Variants in SUPT3H observed in about 807,000 individuals in gnomAD.
SUPT3H encodes transcription initiation protein SPT3 homolog.
Under a neutral mutation model 44.3 loss-of-function variants are expected in SUPT3H, and 44 were observed. The observed-to-expected ratio is 0.99, with a 90% confidence interval of 0.78 to 1.28. The LOEUF is 1.28. SUPT3H is among the 50% of genes most tolerant of loss of function. SUPT3H has a pLI of 0.00. For synonymous variants in SUPT3H, 124 were observed against 125.6 expected, an observed-to-expected ratio of 0.99 and a Z score of 0.09; for missense variants, 380 against 387.1, an observed-to-expected ratio of 0.98 and a Z score of 0.15.
chr6:45,165,791 TA>T (rs1809745149), intron 2 of SUPT3H, among the ~76,000 whole-genome samples: 1 of 151,500 alleles, frequency 6.6e-6, no homozygotes, highest in Non-Finnish European at 1.5e-5. Context: ...AAAAGTGATC[TA>T]AACCGATAAA....
chr6:44,835,288 T>C (rs966588941), intron 10 of SUPT3H, among the ~76,000 whole-genome samples: 2 of 152,054 alleles, frequency 1.3e-5, no homozygotes, highest in South Asian at 2.1e-4. Flanking sequence ...TAAAAAAGAT[T>C]TGGAGCATAC....
At chr6:45,218,128 G>A (rs1419007985) in intron 2 of SUPT3H, among the ~76,000 whole-genome samples, 1 of 152,070 alleles carries the variant, frequency 6.6e-6, no homozygotes, top group African/African-American at 2.4e-5. Context: ...ATAAAAACAC[G>A]TGAAGGTAAT....
intron 3 of SUPT3H, among the ~76,000 whole-genome samples, chr6:45,033,316 G>C (rs1047768636): frequency 6.6e-6 from 1 of 151,802 alleles, no homozygotes; most frequent in Non-Finnish European, 1.5e-5. Flanking sequence ...AGCAAGCATG[G>C]AGATTTAAAA....
At chr6:45,348,767 A>T (rs755004477) in intron 2 of SUPT3H, among the ~76,000 whole-genome samples, 1 of 152,008 alleles carries the variant, frequency 6.6e-6, no homozygotes, top group Non-Finnish European at 1.5e-5. Context: ...CACATTACCT[A>T]TTTAGTGATG....
intron 11 of SUPT3H, among the ~76,000 whole-genome samples, chr6:44,812,519 C>A (rs1561829299): frequency 6.6e-6 from 1 of 152,196 alleles, no homozygotes. Flanking sequence ...TCTTAACTTC[C>A]TTTGATTAGC....
Position 45,224,489 on chromosome 6 carries a change from A to G in SUPT3H, c.102-118483T>C, listed in dbSNP as rs779745613. 1.2e-4 allele frequency among the ~76,000 whole-genome samples: 19 copies of G among 152,302 alleles called. 1 individual carries two copies. The highest frequency in any genetic ancestry group is 4.6e-4 in the Admixed American group (7 of 15,288). ...TCTTCAAAAAAATTTAAATCTCTAT[A>G]TATTACCATCATTTGACAAAAGGAT... On this transcript the variant is annotated intron_variant, in intron 2 of 10. Transcript: ENST00000371459.
At chr6:44,947,690 C>T (rs1263845164) in intron 9 of SUPT3H, among the ~76,000 whole-genome samples, 1 of 151,986 alleles carries the variant, frequency 6.6e-6, no homozygotes, top group African/African-American at 2.4e-5. Flanking sequence ...CAAATAAACA[C>T]AAATGAAACT....
chr6:45,086,172 TGA>T (rs1426122481), intron 3 of SUPT3H, among the ~76,000 whole-genome samples: 1 of 152,042 alleles, frequency 6.6e-6, no homozygotes, highest in Non-Finnish European at 1.5e-5. Flanking sequence ...CCCATTTTAA[TGA>T]GAGACACAAA....
chr6:45,134,501 C>T (rs1803971797), intron 2 of SUPT3H, among the ~76,000 whole-genome samples: 1 of 152,202 alleles, frequency 6.6e-6, no homozygotes, highest in East Asian at 1.9e-4. Flanking sequence ...CCAGCAGCAA[C>T]TCAAAAGTCC....
At chr6:45,041,370 G>A (rs1788509377) in intron 3 of SUPT3H, among the ~76,000 whole-genome samples, 2 of 152,204 alleles carry the variant, frequency 1.3e-5, no homozygotes, top group South Asian at 4.2e-4. Context: ...GGCATTCACT[G>A]GAGAGAGAGT....
intron 2 of SUPT3H, among the ~76,000 whole-genome samples, chr6:45,216,466 G>T (rs1250048961): frequency 6.6e-6 from 1 of 152,046 alleles, no homozygotes; most frequent in Non-Finnish European, 1.5e-5. Context: ...ACTTTAAATA[G>T]AAAGTTTTAA....
intron 3 of SUPT3H, among the ~76,000 whole-genome samples, chr6:45,062,882 G>A (rs1792410818): frequency 6.6e-6 from 1 of 152,080 alleles, no homozygotes; most frequent in Admixed American, 6.5e-5. Context: ...CGAGGCTGGG[G>A]GAGGGGCGCC....
intron 10 of SUPT3H, among the ~76,000 whole-genome samples, chr6:44,856,392 C>A (rs1414032930): frequency 6.6e-6 from 1 of 152,078 alleles, no homozygotes; most frequent in Non-Finnish European, 1.5e-5. Context: ...ATTTCTTTTT[C>A]TTTAGGAATA....
intron 2 of SUPT3H, among the ~76,000 whole-genome samples, chr6:45,296,684 A>AG (rs1179898002): frequency 7.5e-6 from 1 of 132,746 alleles, no homozygotes; most frequent in Non-Finnish European, 1.6e-5. Context: ...GGTTGCAGTG[A>AG]GCTGAGATCG....
intron 2 of SUPT3H, among the ~76,000 whole-genome samples, chr6:45,338,484 T>C (rs1412781641): frequency 6.6e-6 from 1 of 152,074 alleles, no homozygotes. Context: ...ATATTTTGAA[T>C]TAAGAAACTT....
At chr6:45,112,197 T>C (rs900928888) in intron 2 of SUPT3H, among the ~76,000 whole-genome samples, 1 of 152,112 alleles carries the variant, frequency 6.6e-6, no homozygotes, top group Admixed American at 6.6e-5. Context: ...TCTTCAAGAA[T>C]GGGGCAACAC....
At chr6:45,288,629 A>T (rs62400313) in intron 2 of SUPT3H, among the ~76,000 whole-genome samples, 32,765 of 116,516 alleles carry the variant, frequency 0.28, 4,651 homozygotes, top group Non-Finnish European at 0.34. Flanking sequence ...ATATATATAT[A>T]TATATAGCAA....
chr6:44,876,666 T>A (rs559682767), intron 10 of SUPT3H, among the ~76,000 whole-genome samples: 74 of 148,422 alleles, frequency 5.0e-4, no homozygotes, highest in African/African-American at 1.7e-3. Context: ...AAAAAAAAAA[T>A]TAAAAAAAAA....
At chr6:44,836,536 C>T (rs958376735) in intron 10 of SUPT3H, among the ~76,000 whole-genome samples, 13 of 152,026 alleles carry the variant, frequency 8.6e-5, no homozygotes, top group African/African-American at 1.7e-4. Context: ...ATTTTATGCC[C>T]GATTTTCCCT....
Sources: gnomAD v4.1 joint callset for allele counts (sites outside exome capture counted in the v4.1 genomes callset) on GRCh38, gnomAD v4.1.1 for gene constraint, MANE v1.5 for transcripts, NCBI Gene and HGNC (gene_info 2026-07-23, HGNC 2026-07-21) for gene names.